PIK3CG: variants seen among roughly 807,000 people sequenced by gnomAD.
PIK3CG encodes phosphatidylinositol 4,5-bisphosphate 3-kinase catalytic subunit gamma isoform.
In PIK3CG, 55 loss-of-function variants were observed where a neutral mutation model predicts 102.3. The observed-to-expected ratio is 0.54, with a 90% CI of 0.43 to 0.67. PIK3CG has a LOEUF of 0.67. Ranked by LOEUF, PIK3CG falls within the 30% of genes least tolerant of loss-of-function variation. The pLI is 0.00. For missense variants in PIK3CG, 1,258 were observed against 1,391.8 expected, an observed-to-expected ratio of 0.90 and a Z score of 1.53; for synonymous variants, 552 against 540.0, an observed-to-expected ratio of 1.02 and a Z score of -0.31.
rs1356374084 is a variant in PIK3CG at position 106,903,988 on chromosome 7, T to G, written c.3031-1121T>G. 6.6e-6 allele frequency among the ~76,000 whole-genome samples: 1 copy of G among 152,038 alleles called. No homozygotes were observed. Among genetic ancestry groups the G allele is most frequent in the Non-Finnish European group, 1.5e-5 (1 of 68,002 alleles). ...GTTGGCCAGGCTGGTCTTGAACTCC[T>G]AACCTCAAGTGATCCACCCACCTTG... On this transcript the variant is annotated intron_variant, in intron 10 of 10. Transcript: ENST00000496166. This position sits in a 1 kb window ranked among gnomAD's most constrained non-coding sequence, Gnocchi z 4.3.
At position 106,906,151 on chromosome 7, in the gene PIK3CG, C is replaced by T. The variant is rs896863954; in HGVS notation, c.*764C>T. 1 of 228,268 alleles carries T rather than the reference C, an allele frequency of 4.4e-6. No homozygotes were observed. Among genetic ancestry groups the T allele is most frequent in the Non-Finnish European group, 8.6e-6 (1 of 115,716 alleles). 14.1% of individuals were successfully genotyped at this position (228,268 alleles called of 1,614,324 possible). On this transcript the variant is annotated 3_prime_UTR_variant, in exon 11 of 11. Coordinates refer to ENST00000496166, the MANE Select transcript of PIK3CG (RefSeq NM_001282426.2). Reference sequence around the variant, plus strand: ...TGGCAGCAGGAAGTAACTACAGGGCCTCTTTTATGCCTGACATTTCTTCCC... The same window carrying T: ...TGGCAGCAGGAAGTAACTACAGGGCTTCTTTTATGCCTGACATTTCTTCCC...
Position 106,867,667 on chromosome 7 carries a change from G to A in PIK3CG, c.106G>A (p.Glu36Lys), listed in dbSNP as rs142342118. Residue 36 changes from glutamate to lysine, a missense_variant, in exon 2 of 11, where the codon GAG (glutamate) becomes AAG (lysine). Transcript: ENST00000496166. This position sits in a 1 kb window ranked among gnomAD's most constrained non-coding sequence, Gnocchi z 5.1. ...TGCTGCGGCCAGCCTGTCCTCCATG[G>A]AGCTCATCCCCATCGAGTTCGTGCT... Reference protein sequence around the residue: ...RSAAASLSSMELIPIEFVLPT... With the variant: ...RSAAASLSSMKLIPIEFVLPT... 9.9e-6 allele frequency: 16 copies of A among 1,613,406 alleles called. No homozygotes were observed. Among genetic ancestry groups the A allele is most frequent in the Non-Finnish European group, 1.4e-5 (16 of 1,180,036 alleles).
In PIK3CG at chr7:106,891,284, G is replaced by C. The variant is rs1273553182; in HGVS notation, c.3030+4992G>C. On this transcript the variant is annotated intron_variant, in intron 10 of 10. Coordinates refer to ENST00000496166, the MANE Select transcript of PIK3CG (RefSeq NM_001282426.2). This position sits in a 1 kb window ranked among gnomAD's most constrained non-coding sequence, Gnocchi z 4.4. ...TTTCACAATAACTCAGGCCCAGATT[G>C]ACAGACCATCATCACATGGAAGGTA... Among the ~76,000 whole-genome samples, 2 of 152,190 alleles carry C rather than the reference G, an allele frequency of 1.3e-5. No individual in the cohort carries two copies. The highest frequency in any genetic ancestry group is 3.8e-4 in the East Asian group (2 of 5,202).
chr7:106,882,236 A>C, intron 7 of PIK3CG, 29 bp downstream of exon 7: 1 of 1,064,598 alleles, frequency 9.4e-7, no homozygotes, highest in Non-Finnish European at 1.4e-6. Flanking sequence ...AGATGAATAG[A>C]CCTCTCAGCT....
chr7:106,905,035 A>T lies in PIK3CG; in HGVS notation c.3031-74A>T, dbSNP rs1001715606. 7.6e-7 allele frequency: 1 copy of T among 1,308,946 alleles called. No homozygotes were observed. The highest frequency in any genetic ancestry group is 1.1e-6 in the Non-Finnish European group (1 of 929,718). The allele number at this position is 1,308,946 out of a possible 1,614,324, so 81.1% of individuals were successfully genotyped here. A position where few individuals can be genotyped will look rare whatever the true frequency, so the allele number is the denominator to read the frequency against. On this transcript the variant is annotated intron_variant, in intron 10 of 10. Transcript: ENST00000496166. This position sits in a 1 kb window ranked among gnomAD's most constrained non-coding sequence, Gnocchi z 5.6. Reference sequence around the variant, plus strand: ...CAGGTAACTCTATGTACATTTCAGTACATCCCTGTAATCTTCAGCCTACTT... The same window carrying T: ...CAGGTAACTCTATGTACATTTCAGTTCATCCCTGTAATCTTCAGCCTACTT...
chr7:106,882,051 G>T, intron 6 of PIK3CG, 66 bp from the exon 7 acceptor site: 1 of 612,082 alleles, frequency 1.6e-6, no homozygotes, highest in South Asian at 6.7e-5. Context: ...CTATTTTTAA[G>T]GGAGAAGAAA....
chr7:106,888,483 G>T (rs1268642730), intron 10 of PIK3CG, among the ~76,000 whole-genome samples: 4 of 152,106 alleles, frequency 2.6e-5, no homozygotes, highest in African/African-American at 7.2e-5. Context: ...CCCACTATCG[G>T]CATCTTCCAC....
Position 106,868,896 on chromosome 7 carries a change from C to T in PIK3CG, c.1335C>T (p.Ala445=). Residue 445 remains alanine, a synonymous_variant, in exon 2 of 11, where the codon GCC becomes GCT. Coordinates refer to ENST00000496166, the MANE Select transcript of PIK3CG (RefSeq NM_001282426.2). This position sits in a 1 kb window ranked among gnomAD's most constrained non-coding sequence, Gnocchi z 6.2. ...AAGCTCCAGCACTGTCCAGCAAGGC[C>T]TCTGCAGAGTCCCCCAGTTCTGAGT... ...CGKAPALSSK[A]SAESPSSESK... The T allele has an allele frequency of 6.2e-7, 1 of 1,614,218 alleles. No individual in the cohort carries two copies. The highest frequency in any genetic ancestry group is 8.5e-7 in the Non-Finnish European group (1 of 1,180,038).
At chr7:106,888,986 C>T (rs142013333) in intron 10 of PIK3CG, among the ~76,000 whole-genome samples, 329 of 152,328 alleles carry the variant, frequency 2.2e-3, no homozygotes, top group African/African-American at 7.6e-3. Context: ...GTGCCTAGAT[C>T]ATAGCAGAAA....
chr7:106,892,440 C>G lies in PIK3CG; in HGVS notation c.3030+6148C>G, dbSNP rs75322739. Reference sequence around the variant, plus strand: ...GGCATAAAGAAGGATCAGGTACTGCCTTTGGCAAGGCAAGATATTTTCCCA... The same window carrying G: ...GGCATAAAGAAGGATCAGGTACTGCGTTTGGCAAGGCAAGATATTTTCCCA... On this transcript the variant is annotated intron_variant, in intron 10 of 10. Transcript: ENST00000496166. The surrounding 1 kb of genome is among the most constrained non-coding windows in gnomAD (Gnocchi z 5.2). Among the ~76,000 whole-genome samples, 8,214 of 152,332 alleles carry G rather than the reference C, an allele frequency of 0.054. 302 individuals are homozygous for G. The highest frequency in any genetic ancestry group is 0.11 in the Middle Eastern group (31 of 294).
At chr7:106,873,717 CTGTG>C (rs143014145) in intron 4 of PIK3CG, among the ~76,000 whole-genome samples, 3 of 149,498 alleles carry the variant, frequency 2.0e-5, no homozygotes, top group Non-Finnish European at 3.0e-5. Flanking sequence ...GACTCTGTAT[CTGTG>C]TGTGTGTGTG....
Position 106,867,996 on chromosome 7 carries a change from G to A in PIK3CG, c.435G>A (p.Glu145=), listed in dbSNP as rs775863100. The change falls in exon 2 of 11, where the codon GAG becomes GAA. Residue 145 remains glutamate, a synonymous_variant. Coordinates refer to ENST00000496166, the MANE Select transcript of PIK3CG (RefSeq NM_001282426.2). The surrounding 1 kb of genome is among the most constrained non-coding windows in gnomAD (Gnocchi z 5.1). Reference sequence around the variant, plus strand: ...TGGTGCAGCGGCACCCGCCCTCCGAGGAGTCCCAAGCCTTCCAGCGGCAGC... The same window carrying A: ...TGGTGCAGCGGCACCCGCCCTCCGAAGAGTCCCAAGCCTTCCAGCGGCAGC... ...IHLVQRHPPS[E]ESQAFQRQLT... The A allele has an allele frequency of 3.1e-6, 5 of 1,612,368 alleles. No homozygotes were observed. The Admixed American group carries it at 5.0e-5, about 16-fold the overall frequency.
At chr7:106,901,666 G>A (rs369847792) in intron 10 of PIK3CG, among the ~76,000 whole-genome samples, 11 of 152,094 alleles carry the variant, frequency 7.2e-5, no homozygotes, top group African/African-American at 2.4e-4. Context: ...TTCTTGTGTT[G>A]GTCCTTTCTC....
intron 10 of PIK3CG, among the ~76,000 whole-genome samples, chr7:106,901,009 T>C (rs780872637): frequency 6.6e-5 from 10 of 152,196 alleles, no homozygotes; most frequent in Non-Finnish European, 1.2e-4. Flanking sequence ...CATTTCGACC[T>C]TGGAAAATCT....
At position 106,877,335 on chromosome 7, in the gene PIK3CG, G is replaced by A. The variant is rs1249600393; in HGVS notation, c.2392-2184G>A. The stretch of plus-strand genomic sequence containing the variant: ...GGAGAATGCTATTGGCATCTAGTGG[G>A]TAGAGGCCAGGGATGCTGCCAAATA... On this transcript the variant is annotated intron_variant, in intron 5 of 10. Coordinates refer to ENST00000496166, the MANE Select transcript of PIK3CG (RefSeq NM_001282426.2). This position sits in a 1 kb window ranked among gnomAD's most constrained non-coding sequence, Gnocchi z 4.5. Among the ~76,000 whole-genome samples the A allele has an allele frequency of 6.6e-6, 1 of 152,212 alleles. No individual in the cohort carries two copies. Among genetic ancestry groups the A allele is most frequent in the African/African-American group, 2.4e-5 (1 of 41,456 alleles).
At position 106,872,907 on chromosome 7, in the gene PIK3CG, C is replaced by G. The variant is rs764110344; in HGVS notation, c.2256C>G (p.Leu752=). The change falls in exon 4 of 11, where the codon CTC becomes CTG. Residue 752 remains leucine, a synonymous_variant. Transcript: ENST00000496166. The surrounding 1 kb of genome is among the most constrained non-coding windows in gnomAD (Gnocchi z 5.3). ...LQKVTLDIKS[L]SAEKYDVSSQ... ...AAGTCACCCTTGATATTAAATCGCTCTCTGCTGAAAAGTATGACGTCAGTT... is the reference window on the plus strand; with the variant it reads ...AAGTCACCCTTGATATTAAATCGCTGTCTGCTGAAAAGTATGACGTCAGTT... 1 of 1,613,986 alleles carries G rather than the reference C, an allele frequency of 6.2e-7. No individual in the cohort carries two copies. The highest frequency in any genetic ancestry group is 2.2e-5 in the East Asian group (1 of 44,880).
At chr7:106,882,929 A>C (rs1790985306) in intron 7 of PIK3CG, 104 bp from the exon 8 acceptor site, 2 of 962,170 alleles carry the variant, frequency 2.1e-6, no homozygotes, top group Non-Finnish European at 3.0e-6. Context: ...AAAAAAAAAA[A>C]AAAAAAAACC....
Position 106,868,460 on chromosome 7 carries a change from G to A in PIK3CG, c.899G>A (p.Gly300Glu), listed in dbSNP as rs755134917. The change falls in exon 2 of 11, where the codon GGA becomes GAA. Residue 300 changes from glycine to glutamate, a missense_variant. Gly to Glu is a moderately conservative substitution (Grantham distance 98). This residue lies in a region of PIK3CG where 832 missense variants were observed against 787.5 expected (regional missense o/e 1.06). Transcript: ENST00000496166. The surrounding 1 kb of genome is among the most constrained non-coding windows in gnomAD (Gnocchi z 6.2). Reference sequence around the variant, plus strand: ...TGGGTGAGGCACTGCCTCAAGAACGGAGAAGAGATTCACGTGGTACTGGAC... The same window carrying A: ...TGGGTGAGGCACTGCCTCAAGAACGAAGAAGAGATTCACGTGGTACTGGAC... ...FQWVRHCLKN[G>E]EEIHVVLDTP... 1 of 1,614,212 alleles carries A rather than the reference G, an allele frequency of 6.2e-7. No individual in the cohort carries two copies. The highest frequency in any genetic ancestry group is 8.5e-7 in the Non-Finnish European group (1 of 1,180,044).
Position 106,880,947 on chromosome 7 carries a change from A to G in PIK3CG, c.2539-1170A>G, listed in dbSNP as rs1452559316. 6.6e-6 allele frequency among the ~76,000 whole-genome samples: 1 copy of G among 152,040 alleles called. No individual in the cohort carries two copies. The highest frequency in any genetic ancestry group is 2.4e-5 in the African/African-American group (1 of 41,402). ...CACCTCAGCCTCCCACACAACTTTC[A>G]CAGTCTTCTCCTTTTCTTTCCCTTC... On this transcript the variant is annotated intron_variant, in intron 6 of 10. Coordinates refer to ENST00000496166, the MANE Select transcript of PIK3CG (RefSeq NM_001282426.2). The surrounding 1 kb of genome is among the most constrained non-coding windows in gnomAD (Gnocchi z 4.2).
Sources: allele counts gnomAD v4.1 joint callset (sites outside exome capture counted in the v4.1 genomes callset), GRCh38; gene constraint gnomAD v4.1.1; regional missense constraint gnomAD v4.1.1; non-coding constraint Gnocchi (gnomAD v3.1); transcripts MANE v1.5; gene names NCBI Gene and HGNC (gene_info 2026-07-23, HGNC 2026-07-21).